Variants in ADGRA1 observed in about 807,000 individuals in gnomAD.
ADGRA1 encodes the protein adhesion G protein-coupled receptor A1, also known as G-protein coupled receptor 123.
A neutral mutation model predicts 21.3 loss-of-function variants in ADGRA1; 12 were observed. The observed-to-expected ratio is 0.56, with a 90% CI of 0.36 to 0.91. The LOEUF is 0.91. Among genes scored for constraint, ADGRA1 ranks in the 40% least tolerant of loss-of-function variants. The pLI, the probability that ADGRA1 is intolerant of heterozygous loss-of-function variation, is 0.01. For missense variants in ADGRA1, 790 were observed against 805.6 expected, an observed-to-expected ratio of 0.98 and a Z score of 0.23; for synonymous variants, 385 against 368.8, an observed-to-expected ratio of 1.04 and a Z score of -0.50.
chr10:133,110,986 T>C (rs1234321884), intron 5 of ADGRA1, among the ~76,000 whole-genome samples: 2 of 152,126 alleles, frequency 1.3e-5, no homozygotes, highest in Non-Finnish European at 2.9e-5. Context: ...TTTCTGAATC[T>C]GTTAAGTGGA....
At position 133,129,277 on chromosome 10, in the gene ADGRA1, G is replaced by A; in HGVS notation, c.1449G>A (p.Gln483=). The A allele has an allele frequency of 6.5e-7, 1 of 1,550,294 alleles. No individual in the cohort carries two copies. Among genetic ancestry groups the A allele is most frequent in the Non-Finnish European group, 8.7e-7 (1 of 1,147,416 alleles). Residue 483 remains glutamine, a synonymous_variant, in exon 7 of 7, where the codon CAG becomes CAA. Coordinates refer to ENST00000392607, the MANE Select transcript of ADGRA1 (RefSeq NM_001083909.3). ...GCGACCCCTTCCCCATGGTCACCCA[G>A]CCCGAGGGCAGTGATGGGAGCCCTG... The part of the protein sequence containing the change: ...TQGDPFPMVT[Q]PEGSDGSPAL...
chr10:133,127,400 G>A (rs1477995528), intron 6 of ADGRA1, 69 bp downstream of exon 6: 1 of 1,225,596 alleles, frequency 8.2e-7, no homozygotes, highest in South Asian at 1.4e-5. Context: ...TCCCTCCCAG[G>A]CACCTGTGGT....
intron 5 of ADGRA1, among the ~76,000 whole-genome samples, chr10:133,119,314 G>A (rs575538311): frequency 1.5e-4 from 23 of 152,332 alleles, no homozygotes; most frequent in Admixed American, 5.9e-4. Context: ...TCCTGCGGGT[G>A]GAGGGTCTCA....
intron 5 of ADGRA1, among the ~76,000 whole-genome samples, chr10:133,124,599 G>A (rs1244654248): frequency 1.3e-5 from 2 of 152,368 alleles, no homozygotes; most frequent in African/African-American, 2.4e-5. Flanking sequence ...GGGCTTAGAC[G>A]GGATTCGACG....
At chr10:133,112,482 G>A (rs903687919) in intron 5 of ADGRA1, among the ~76,000 whole-genome samples, 17 of 149,174 alleles carry the variant, frequency 1.1e-4, no homozygotes, top group Non-Finnish European at 2.2e-4. Flanking sequence ...TGCGGGCCGC[G>A]TCGGTTATTT....
intron 2 of ADGRA1, 102 bp downstream of exon 2, chr10:133,089,014 G>T: frequency 8.1e-7 from 1 of 1,234,592 alleles, no homozygotes; most frequent in South Asian, 4.1e-5. Flanking sequence ...TTGTGGAATG[G>T]CGAGCTGGTG....
intron 2 of ADGRA1, chr10:133,092,871 A>AGGAAGGAAGGAAGGAG: frequency 6.9e-7 from 1 of 1,446,116 alleles, no homozygotes; most frequent in East Asian, 2.5e-5. Context: ...GAAGGAAGGA[A>AGGAAGGAAGGAAGGAG]GGAAGGAAAT....
Position 133,088,069 on chromosome 10 carries a change from G to C in ADGRA1, c.-272G>C, listed in dbSNP as rs147699761. ...GCGAATGGAGAGCGGGTCCCCGGCG[G>C]GGGGAGCGCAGCGCGTCTGTCTCCG... is the stretch of plus-strand genomic sequence containing the variant. On this transcript the variant is annotated 5_prime_UTR_variant, in exon 1 of 7. Transcript: ENST00000392607. 0.011 allele frequency: 10,940 copies of C among 985,142 alleles called. 426 individuals are homozygous for C. In the African/African-American group the frequency reaches 0.12, roughly 11 times the overall value. 61.0% of individuals were successfully genotyped at this position (985,142 alleles called of 1,614,324 possible).
At chr10:133,101,903 A>G (rs1441560344) in intron 4 of ADGRA1, among the ~76,000 whole-genome samples, 5 of 152,210 alleles carry the variant, frequency 3.3e-5, no homozygotes, top group Non-Finnish European at 7.4e-5. Context: ...CTCATCAATT[A>G]CTGCAGAGCC....
intron 3 of ADGRA1, 27 bp from the exon 4 acceptor site, chr10:133,098,613 G>C (rs1851731106): frequency 6.3e-7 from 1 of 1,599,090 alleles, no homozygotes; most frequent in Non-Finnish European, 8.5e-7. Flanking sequence ...CTCTGCTCAT[G>C]TGAAACCCTC....
At chr10:133,123,314 G>C (rs1394524415) in intron 5 of ADGRA1, among the ~76,000 whole-genome samples, 2 of 152,208 alleles carry the variant, frequency 1.3e-5, no homozygotes, top group Admixed American at 6.5e-5. Flanking sequence ...CTTCCTCACT[G>C]ACGGGCAGGA....
In ADGRA1 at chr10:133,097,091, G is replaced by C; in HGVS notation, c.121G>C (p.Val41Leu). The change falls in exon 3 of 7, where the codon GTG (valine) becomes CTG (leucine). Residue 41 changes from valine (V) to leucine (L), a missense_variant. Transcript: ENST00000392607. ...CCTGGCCTCCTTCGTCACCTACATCGTGCACCAGAGGTGAGCCTGGCATGG... is the reference window on the plus strand; with the variant it reads ...CCTGGCCTCCTTCGTCACCTACATCCTGCACCAGAGGTGAGCCTGGCATGG... ...CLLASFVTYIVHQSAIRISRK... is the reference protein window; with the variant it reads ...CLLASFVTYILHQSAIRISRK... 6.2e-7 allele frequency: 1 copy of C among 1,605,708 alleles called. No individual in the cohort carries two copies. The highest frequency in any genetic ancestry group is 1.3e-5 in the African/African-American group (1 of 75,046).
rs115735367 is a variant in ADGRA1 at position 133,127,220 on chromosome 10, T to G, written c.402-13T>G. Reference sequence around the variant, plus strand: ...GGCGTCTGCAAGGGGGTCAACGCCTTCCTCCCCGGCAGGTTTTACCTCGTC... The same window carrying G: ...GGCGTCTGCAAGGGGGTCAACGCCTGCCTCCCCGGCAGGTTTTACCTCGTC... On this transcript the variant is annotated splice_polypyrimidine_tract_variant and intron_variant, in intron 5 of 6. Coordinates refer to ENST00000392607, the MANE Select transcript of ADGRA1 (RefSeq NM_001083909.3). The G allele has an allele frequency of 4.2e-3, 6,600 of 1,558,628 alleles. 145 individuals carry two copies. In the African/African-American group the frequency reaches 0.062, roughly 15 times the overall value.
intron 5 of ADGRA1, among the ~76,000 whole-genome samples, chr10:133,114,664 G>A (rs1288405964): frequency 6.6e-6 from 1 of 151,884 alleles, no homozygotes; most frequent in Non-Finnish European, 1.5e-5. Context: ...GACATAAATA[G>A]CTCTTGGATC....
rs1185474295 is a variant in ADGRA1 at position 133,128,869 on chromosome 10, G to A, written c.1041G>A (p.Pro347=). 6.3e-6 allele frequency: 10 copies of A among 1,576,158 alleles called. No homozygotes were observed. The highest frequency in any genetic ancestry group is 5.2e-6 in the Non-Finnish European group (6 of 1,164,588). Reference sequence around the variant, plus strand: ...GCCGCGCCGCCTGCCTGCACTCGCCGGGACTGGGCCAGCCACGGGGCTTCG... The same window carrying A: ...GCCGCGCCGCCTGCCTGCACTCGCCAGGACTGGGCCAGCCACGGGGCTTCG... ...ALGRAACLHS[P]GLGQPRGFAH... The change falls in exon 7 of 7, where the codon CCG becomes CCA. Residue 347 remains proline, a synonymous_variant. Transcript: ENST00000392607.
chr10:133,090,213 G>A (rs1851574838), intron 2 of ADGRA1, among the ~76,000 whole-genome samples: 1 of 152,170 alleles, frequency 6.6e-6, no homozygotes, highest in East Asian at 1.9e-4. Context: ...ACTGTGCGGG[G>A]GCCTCCCCAA....
chr10:133,112,364 T>TATAA (rs1852051062), intron 5 of ADGRA1, among the ~76,000 whole-genome samples: 2 of 151,340 alleles, frequency 1.3e-5, no homozygotes, highest in Admixed American at 6.6e-5. Context: ...ATTTGGGGTC[T>TATAA]GCGGGCCGTG....
At chr10:133,107,956 C>T (rs1478059160) in intron 5 of ADGRA1, among the ~76,000 whole-genome samples, 9 of 152,164 alleles carry the variant, frequency 5.9e-5, no homozygotes, top group Non-Finnish European at 1.3e-4. Flanking sequence ...TTTTTCATTT[C>T]TTTTCTGTGA....
chr10:133,128,381 A>G lies in ADGRA1; in HGVS notation c.553A>G (p.Ile185Val). ...SLGAFYGPAAIITLVTCVYFL... is the reference protein window; with the variant it reads ...SLGAFYGPAAVITLVTCVYFL... ...GGGCGCCTTCTACGGCCCAGCCGCC[A>G]TCATCACCCTGGTCACCTGTGTGTA... Residue 185 changes from isoleucine to valine, a missense_variant, in exon 7 of 7, where the codon ATC becomes GTC. Ile to Val is a conservative substitution (Grantham distance 29). Coordinates refer to ENST00000392607, the MANE Select transcript of ADGRA1 (RefSeq NM_001083909.3). The G allele has an allele frequency of 1.3e-6, 2 of 1,590,440 alleles. No homozygotes were observed. Among genetic ancestry groups the G allele is most frequent in the Non-Finnish European group, 1.7e-6 (2 of 1,170,200 alleles).
Sources: gnomAD v4.1 joint callset for allele counts (sites outside exome capture counted in the v4.1 genomes callset) on GRCh38, gnomAD v4.1.1 for gene constraint, MANE v1.5 for transcripts, NCBI Gene and HGNC (gene_info 2026-07-23, HGNC 2026-07-21) for gene names.